The following ADGRG6 variants were observed in gnomAD, a reference collection of about 807,000 sequenced individuals.
The protein encoded by ADGRG6 is G-protein coupled receptor 126.
In ADGRG6, 84 loss-of-function variants were observed where a neutral mutation model predicts 142.4. The observed-to-expected ratio is 0.59, with a 90% CI of 0.49 to 0.71. The LOEUF is 0.71. Among genes scored for constraint, ADGRG6 ranks in the 30% least tolerant of loss-of-function variants. The pLI is 0.00. For synonymous variants in ADGRG6, 521 were observed against 520.5 expected, an observed-to-expected ratio of 1.00 and a Z score of -0.01; for missense variants, 1,367 against 1,466.6, an observed-to-expected ratio of 0.93 and a Z score of 1.11.
chr6:142,417,522 G>A (rs779635275), intron 21 of ADGRG6, among the ~76,000 whole-genome samples, 153 bp downstream of exon 21: 2 of 152,116 alleles, frequency 1.3e-5, no homozygotes, highest in Non-Finnish European at 2.9e-5. Context: ...GATTAATTCA[G>A]TTGAATGCCC....
chr6:142,438,057 C>T (rs1777572647), intron 23 of ADGRG6, 155 bp from the exon 24 acceptor site: 1 of 508,980 alleles, frequency 2.0e-6, no homozygotes, highest in South Asian at 3.4e-5. Flanking sequence ...TTATCAATAT[C>T]CTCTTATTGT....
chr6:142,358,384 T>G (rs768927131), intron 2 of ADGRG6, among the ~76,000 whole-genome samples: 8 of 152,234 alleles, frequency 5.3e-5, no homozygotes, highest in Non-Finnish European at 1.0e-4. Flanking sequence ...CTTTTCTGTC[T>G]TATCATCAGC....
At chr6:142,437,658 A>T (rs2115192809) in intron 23 of ADGRG6, 123 bp downstream of exon 23, 1 of 637,170 alleles carries the variant, frequency 1.6e-6, no homozygotes, top group African/African-American at 1.8e-5. Context: ...GCATGTGAAG[A>T]TGCGTAGTTG....
At position 142,408,288 on chromosome 6, in the gene ADGRG6, T is replaced by C. The variant is rs1775916949; in HGVS notation, c.2388+19T>C. ...AACTCAGGTAAGAAAACGCTCCCAA[T>C]AGCATTTGGACAGAAGTGGACTATT... is the stretch of plus-strand genomic sequence containing the variant. On this transcript the variant is annotated intron_variant, in intron 16 of 24. Coordinates refer to ENST00000367609, the MANE Select transcript of ADGRG6 (RefSeq NM_198569.3). The C allele has an allele frequency of 5.2e-6, 8 of 1,539,858 alleles. No individual in the cohort carries two copies. The highest frequency in any genetic ancestry group is 4.9e-5 in the East Asian group (2 of 41,228).
chr6:142,381,823 T>C (rs2114929157), intron 4 of ADGRG6, 128 bp from the exon 5 acceptor site: 1 of 529,414 alleles, frequency 1.9e-6, no homozygotes, highest in South Asian at 3.0e-5. Context: ...TTAAGAGACT[T>C]TCTTGATATC....
At chr6:142,431,094 GTT>G (rs35467593) in intron 22 of ADGRG6, among the ~76,000 whole-genome samples, 4 of 147,768 alleles carry the variant, frequency 2.7e-5, no homozygotes, top group African/African-American at 9.9e-5. Context: ...CACAATTACA[GTT>G]TTTTTTTTTT....
In ADGRG6 at chr6:142,405,675, G is replaced by A; in HGVS notation, c.2128-13G>A. 1.3e-6 allele frequency: 2 copies of A among 1,592,412 alleles called. No individual in the cohort carries two copies. Among genetic ancestry groups the A allele is most frequent in the Non-Finnish European group, 1.7e-6 (2 of 1,161,548 alleles). ...ATGATTACTTGACCAATATATCTGT[G>A]TGTGTGTGACAGATGGATTTTGAGA... On this transcript the variant is annotated splice_polypyrimidine_tract_variant and intron_variant, in intron 14 of 24. Transcript: ENST00000367609.
In ADGRG6 at chr6:142,381,898, T is replaced by A; in HGVS notation, c.1070-53T>A. 5 of 1,106,980 alleles carry A rather than the reference T, an allele frequency of 4.5e-6. No individual in the cohort carries two copies. The Admixed American group carries it at 1.0e-4, about 22-fold the overall frequency. 68.6% of individuals were successfully genotyped at this position (1,106,980 alleles called of 1,614,324 possible). On this transcript the variant is annotated intron_variant, in intron 4 of 24. Transcript: ENST00000367609. ...ACATCAACCGTATGATTTTTCTGGA[T>A]AATATCACTAAATCATAAATCAAAC...
intron 18 of ADGRG6, among the ~76,000 whole-genome samples, chr6:142,413,898 A>AACACACACAC (rs1554252954): frequency 8.1e-4 from 73 of 89,934 alleles, no homozygotes; most frequent in African/African-American, 3.6e-3. Flanking sequence ...ACATTTCTTT[A>AACACACACAC]TCACACACAC....
chr6:142,338,635 G>C (rs991514290), intron 2 of ADGRG6, among the ~76,000 whole-genome samples: 1 of 151,660 alleles, frequency 6.6e-6, no homozygotes, highest in African/African-American at 2.4e-5. Flanking sequence ...TATTTTCTTT[G>C]ATATCATTTT....
At chr6:142,418,209 A>T (rs1347800452) in intron 21 of ADGRG6, among the ~76,000 whole-genome samples, 1 of 151,486 alleles carries the variant, frequency 6.6e-6, no homozygotes, top group Non-Finnish European at 1.5e-5. Context: ...GAGGCAGGAG[A>T]ATCATTTGAA....
chr6:142,354,425 A>G (rs1010680525), intron 2 of ADGRG6, among the ~76,000 whole-genome samples: 1 of 152,176 alleles, frequency 6.6e-6, no homozygotes, highest in Non-Finnish European at 1.5e-5. Flanking sequence ...TTGAGTTTTA[A>G]TGGCCAAATA....
rs1777550546 is a variant in ADGRG6, at chr6:142,437,669, G to C, written c.3421+134G>C. On this transcript the variant is annotated intron_variant, in intron 23 of 24. Transcript: ENST00000367609. The stretch of plus-strand genomic sequence containing the variant: ...TGGAGCATGTGAAGATGCGTAGTTG[G>C]AATCATAGAATATCAGGGCTGGAAG... The C allele has an allele frequency of 1.6e-5, 10 of 608,606 alleles. No homozygotes were observed. The East Asian group carries it at 2.8e-4, about 17-fold the overall frequency. 37.7% of individuals were successfully genotyped at this position (608,606 alleles called of 1,614,324 possible). A position where few individuals can be genotyped will look rare whatever the true frequency, so the allele number is the denominator to read the frequency against.
At position 142,367,724 on chromosome 6, in the gene ADGRG6, GA is replaced by G; in HGVS notation, c.260del (p.Asp87AlafsTer67). On this transcript the variant is annotated frameshift_variant, in exon 3 of 25. Coordinates refer to ENST00000367609, the MANE Select transcript of ADGRG6 (RefSeq NM_198569.3). LOFTEE classifies it high-confidence loss of function. ...YIIQITFNDF[D>X]IEEAPNCIYD... ...CATTCAGATAACATTTAACGACTTT[GA>G]CATTGAAGAAGCTCCCAATTGCATT... 1 of 1,613,886 alleles carries G rather than the reference GA, an allele frequency of 6.2e-7. No individual in the cohort carries two copies. The highest frequency in any genetic ancestry group is 8.5e-7 in the Non-Finnish European group (1 of 1,179,856).
intron 19 of ADGRG6, among the ~76,000 whole-genome samples, 188 bp from the exon 20 acceptor site, chr6:142,415,608 A>G (rs1289012736): frequency 1.3e-5 from 2 of 152,200 alleles, no homozygotes; most frequent in African/African-American, 4.8e-5. Flanking sequence ...TAATATTTTT[A>G]AAGTCTTTAT....
intron 11 of ADGRG6, chr6:142,400,820 C>G: frequency 2.3e-6 from 1 of 440,274 alleles, no homozygotes; most frequent in Non-Finnish European, 4.1e-6. Flanking sequence ...AGCCCTTTCA[C>G]AGAAAAACTG....
chr6:142,396,416 A>G (rs1775199455), intron 9 of ADGRG6, among the ~76,000 whole-genome samples: 1 of 152,164 alleles, frequency 6.6e-6, no homozygotes, highest in African/African-American at 2.4e-5. Context: ...TAGAGCACCT[A>G]TTCCTTGAAA....
intron 1 of ADGRG6, among the ~76,000 whole-genome samples, chr6:142,304,662 A>G (rs1040647309): frequency 6.6e-6 from 1 of 152,232 alleles, no homozygotes; most frequent in Non-Finnish European, 1.5e-5. Flanking sequence ...AATGGCCTAT[A>G]TATCTTACAG....
intron 4 of ADGRG6, among the ~76,000 whole-genome samples, chr6:142,374,594 G>A (rs1352482233): frequency 6.6e-6 from 1 of 152,012 alleles, no homozygotes; most frequent in African/African-American, 2.4e-5. Context: ...TCTTTAGATG[G>A]CCATCTGGCC....
Sources: allele counts gnomAD v4.1 joint callset (sites outside exome capture counted in the v4.1 genomes callset), GRCh38; gene constraint gnomAD v4.1.1; transcripts MANE v1.5; gene names NCBI Gene and HGNC (gene_info 2026-07-23, HGNC 2026-07-21).